VPS13D: variants seen among roughly 807,000 people sequenced by gnomAD.
VPS13D encodes the protein intermembrane lipid transfer protein VPS13D.
Under a neutral mutation model 461.9 loss-of-function variants are expected in VPS13D, and 187 were observed. The observed-to-expected ratio is 0.40, with a 90% CI of 0.36 to 0.46. The LOEUF is 0.46. Among genes scored for constraint, VPS13D ranks in the 20% least tolerant of loss-of-function variants. The pLI, the probability that VPS13D is intolerant of heterozygous loss-of-function variation, is 0.60. For missense variants in VPS13D, 4,711 were observed against 5,364.9 expected, an observed-to-expected ratio of 0.88 and a Z score of 3.81; for synonymous variants, 1,951 against 1,986.3, an observed-to-expected ratio of 0.98 and a Z score of 0.47.
intron 52 of VPS13D, chr1:12,367,587 T>TTTATTTAC (rs1218918761): frequency 8.3e-4 from 126 of 151,930 alleles, no homozygotes; most frequent in African/African-American, 2.7e-3. Context: ...TATTTATTTA[T>TTTATTTAC]TTTTGGAAAC....
intron 58 of VPS13D, among the ~76,000 whole-genome samples, chr1:12,384,678 G>A (rs1644327706): frequency 2.0e-5 from 3 of 152,208 alleles, no homozygotes; most frequent in Middle Eastern, 3.4e-3. Context: ...GGAGGGAAGT[G>A]GCAAAATCAT....
intron 6 of VPS13D, among the ~76,000 whole-genome samples, chr1:12,252,302 C>T (rs1241415871): frequency 6.6e-6 from 1 of 152,174 alleles, no homozygotes; most frequent in African/African-American, 2.4e-5. Flanking sequence ...GCTAACTCCT[C>T]ATCCCAAATA....
At chr1:12,342,801 T>C (rs954600502) in intron 41 of VPS13D, 98 bp from the exon 42 acceptor site, 9 of 1,384,880 alleles carry the variant, frequency 6.5e-6, no homozygotes, top group African/African-American at 5.6e-5. Context: ...TTGCTGGGAA[T>C]TGAGTTGTGA....
chr1:12,435,479 A>T (rs1557437453), intron 65 of VPS13D, among the ~76,000 whole-genome samples: 1 of 152,032 alleles, frequency 6.6e-6, no homozygotes, highest in Non-Finnish European at 1.5e-5. Context: ...CAACAAAAAG[A>T]TACTCATATT....
intron 18 of VPS13D, among the ~76,000 whole-genome samples, chr1:12,273,501 G>A (rs1160030283): frequency 6.6e-6 from 1 of 151,990 alleles, no homozygotes; most frequent in Non-Finnish European, 1.5e-5. Flanking sequence ...ATTTAATATC[G>A]GGAGGACTTT....
chr1:12,478,595 C>T (rs1160818413), intron 67 of VPS13D: 2 of 351,456 alleles, frequency 5.7e-6, no homozygotes, highest in African/African-American at 2.1e-5. Context: ...AGAACTTGCC[C>T]ATCTGAGGTC....
At chr1:12,433,949 A>AGAGAGAGAGAGAGTGT (rs1553121770) in intron 65 of VPS13D, among the ~76,000 whole-genome samples, 3 of 144,928 alleles carry the variant, frequency 2.1e-5, no homozygotes, top group African/African-American at 7.7e-5. Context: ...AGAGAGAGAG[A>AGAGAGAGAGAGAGTGT]GTGTGTGTGT....
chr1:12,329,932 A>G lies in VPS13D; in HGVS notation c.8287+14A>G. ...GTGCTCTTTCAGGTCAGTATAAAGC[A>G]TATGTTATCATGGGATTTAAAAAAT... On this transcript the variant is annotated intron_variant, in intron 37 of 69. Transcript: ENST00000620676. 2.0e-6 allele frequency: 3 copies of G among 1,537,676 alleles called. No individual in the cohort carries two copies. The highest frequency in any genetic ancestry group is 1.1e-5 in the South Asian group (1 of 89,248).
intron 56 of VPS13D, 60 bp downstream of exon 56, chr1:12,378,651 A>T (rs1644233594): frequency 8.4e-6 from 12 of 1,424,978 alleles, no homozygotes; most frequent in Admixed American, 2.6e-5. Context: ...ACTCAGAGGA[A>T]ATCTACAACA....
At chr1:12,351,463 G>A (rs1202148767) in intron 46 of VPS13D, among the ~76,000 whole-genome samples, 1 of 151,820 alleles carries the variant, frequency 6.6e-6, no homozygotes, top group Non-Finnish European at 1.5e-5. Flanking sequence ...GCTAATTGTT[G>A]TATTTTTAGT....
chr1:12,487,986 G>A lies in VPS13D; in HGVS notation c.12663-9514G>A, dbSNP rs115142883. Among the ~76,000 whole-genome samples, 358 of 152,246 alleles carry A rather than the reference G, an allele frequency of 2.4e-3. 1 individual carries two copies. Among genetic ancestry groups the A allele is most frequent in the African/African-American group, 8.2e-3 (342 of 41,532 alleles). On this transcript the variant is annotated intron_variant, in intron 67 of 69. Coordinates refer to ENST00000620676, the MANE Select transcript of VPS13D (RefSeq NM_015378.4). Reference sequence around the variant, plus strand: ...CTGCTAGTTTGATTTGCTCTAGCTCGTTTTAAAAAGCTCTGTCAGGCAACA... The same window carrying A: ...CTGCTAGTTTGATTTGCTCTAGCTCATTTTAAAAAGCTCTGTCAGGCAACA...
In VPS13D at chr1:12,322,711, G is replaced by A. The variant is rs1451834080; in HGVS notation, c.7880G>A (p.Arg2627Lys). ...GCATCTCGCGTTGGAGAGGAAATCA[G>A]AGAAGGGACAAGACACACCTTAGAT... is the stretch of plus-strand genomic sequence containing the variant. ...PGASRVGEEIREGTRHTLDPV... is the reference protein window; with the variant it reads ...PGASRVGEEIKEGTRHTLDPV... The change falls in exon 34 of 70, where the codon AGA becomes AAA. Residue 2627 changes from arginine (R) to lysine (K), a missense_variant. By Grantham distance (26) the Arg-to-Lys change is conservative. Coordinates refer to ENST00000620676, the MANE Select transcript of VPS13D (RefSeq NM_015378.4). The A allele has an allele frequency of 1.2e-6, 2 of 1,614,186 alleles. No individual in the cohort carries two copies. Among genetic ancestry groups the A allele is most frequent in the East Asian group, 2.2e-5 (1 of 44,880 alleles).
chr1:12,334,135 C>T lies in VPS13D; in HGVS notation c.8428+769C>T, dbSNP rs368913823. On this transcript the variant is annotated intron_variant, in intron 38 of 69. Transcript: ENST00000620676. Reference sequence around the variant, plus strand: ...GGCTGTTAGAATATCCACTTCCTTACGCATGTCAGAGTTGGATGGAAAGAA... The same window carrying T: ...GGCTGTTAGAATATCCACTTCCTTATGCATGTCAGAGTTGGATGGAAAGAA... Among the ~76,000 whole-genome samples, 47 of 152,304 alleles carry T rather than the reference C, an allele frequency of 3.1e-4. 3 individuals carry two copies. Among genetic ancestry groups the T allele is most frequent in the Admixed American group, 2.1e-3 (32 of 15,298 alleles).
At chr1:12,380,989 T>A (rs530475311) in intron 57 of VPS13D, among the ~76,000 whole-genome samples, 1 of 152,332 alleles carries the variant, frequency 6.6e-6, no homozygotes, top group East Asian at 1.9e-4. Context: ...TCACTTCTAG[T>A]TTGTTTCTAA....
chr1:12,403,660 G>A (rs1416809963), intron 62 of VPS13D, among the ~76,000 whole-genome samples, 165 bp from the exon 63 acceptor site: 2 of 152,178 alleles, frequency 1.3e-5, no homozygotes, highest in Non-Finnish European at 2.9e-5. Context: ...ACAAAGAATG[G>A]CATCAGAATA....
intron 67 of VPS13D, among the ~76,000 whole-genome samples, chr1:12,496,417 A>G (rs1458581849): frequency 6.6e-6 from 1 of 152,194 alleles, no homozygotes; most frequent in Non-Finnish European, 1.5e-5. Context: ...GTTTCTGTCC[A>G]TATTTCCAAC....
intron 2 of VPS13D, among the ~76,000 whole-genome samples, chr1:12,237,447 C>G (rs1476352161): frequency 2.0e-5 from 3 of 150,978 alleles, no homozygotes; most frequent in South Asian, 2.1e-4. Context: ...GAGTTGTGTT[C>G]CCTCCACTGC....
At chr1:12,262,470 G>A (rs1641140820) in intron 13 of VPS13D, among the ~76,000 whole-genome samples, 1 of 152,182 alleles carries the variant, frequency 6.6e-6, no homozygotes, top group African/African-American at 2.4e-5. Flanking sequence ...GCTAGAGATA[G>A]GTAGTATGAT....
intron 50 of VPS13D, 83 bp from the exon 51 acceptor site, chr1:12,362,637 C>A: frequency 1.5e-6 from 2 of 1,334,844 alleles, no homozygotes; most frequent in Admixed American, 2.0e-5. Flanking sequence ...AACTAAGTAA[C>A]TGTGAAGGTT....
Sources: allele counts gnomAD v4.1 joint callset (sites outside exome capture counted in the v4.1 genomes callset), GRCh38; gene constraint gnomAD v4.1.1; transcripts MANE v1.5; gene names NCBI Gene and HGNC (gene_info 2026-07-23, HGNC 2026-07-21).